The following RBFOX1 variants were observed in gnomAD, a reference collection of about 807,000 sequenced individuals.
RBFOX1 encodes the protein RNA binding fox-1 homolog 1.
Under a neutral mutation model 57.7 loss-of-function variants are expected in RBFOX1, and 8 were observed. The ratio of observed to expected loss-of-function variants is 0.14; its 90% CI spans 0.08 to 0.25. The LOEUF is 0.25. RBFOX1 is among the 10% of genes least tolerant of loss of function. The pLI is 1.00. For missense variants in RBFOX1, 611 were observed against 548.5 expected (o/e 1.11, Z -1.14); for synonymous variants, 326 against 222.4 (o/e 1.47, Z -4.15).
intron 4 of RBFOX1, among the ~76,000 whole-genome samples, chr16:7,163,822 A>G (rs1160378102): frequency 6.6e-6 from 1 of 151,866 alleles, no homozygotes; most frequent in Non-Finnish European, 1.5e-5. Flanking sequence ...ACACCCAGCT[A>G]ATTTTTGTAT....
At chr16:5,796,046 C>G (rs1229111988) in intron 3 of RBFOX1, among the ~76,000 whole-genome samples, 3 of 152,184 alleles carry the variant, frequency 2.0e-5, no homozygotes, top group African/African-American at 7.2e-5. Flanking sequence ...GCAGTTGAAT[C>G]TAGTGCATTT....
At chr16:5,480,252 C>T (rs1258314720) in intron 2 of RBFOX1, among the ~76,000 whole-genome samples, 2 of 152,132 alleles carry the variant, frequency 1.3e-5, no homozygotes, top group African/African-American at 4.8e-5. Context: ...GACCAGGGGT[C>T]AAAGCCATTG....
chr16:7,196,000 G>T (rs962787889), intron 4 of RBFOX1, among the ~76,000 whole-genome samples: 8 of 151,614 alleles, frequency 5.3e-5, no homozygotes, highest in Non-Finnish European at 1.0e-4. Context: ...TTTCTTCCAG[G>T]CTGTCACCGT....
rs62011897 is a variant in RBFOX1 at position 7,709,204 on chromosome 16, G to A, written c.1071+73G>A. On this transcript the variant is annotated intron_variant, in intron 15 of 15. Coordinates refer to ENST00000550418, the MANE Select transcript of RBFOX1 (RefSeq NM_018723.4). The stretch of plus-strand genomic sequence containing the variant: ...CTTTCCCCAGCTGGGACCTCAGTAC[G>A]GGTTGACGTCCTCTCACTTCCCGTT... The A allele has an allele frequency of 2.6e-5, 36 of 1,388,110 alleles. No homozygotes were observed. The South Asian group carries it at 2.6e-4, about 10-fold the overall frequency. The allele number at this position is 1,388,110 out of a possible 1,614,324, so 86.0% of individuals were successfully genotyped here. A position where few individuals can be genotyped will look rare whatever the true frequency, so the allele number is the denominator to read the frequency against.
At chr16:5,482,432 G>A (rs2069577992) in intron 2 of RBFOX1, among the ~76,000 whole-genome samples, 2 of 152,190 alleles carry the variant, frequency 1.3e-5, no homozygotes, top group Admixed American at 1.3e-4. Context: ...CAAATGGCGA[G>A]GTGCAAATTT....
Position 7,630,674 on chromosome 16 carries a change from A to G in RBFOX1, c.748A>G (p.Thr250Ala), listed in dbSNP as rs1232307246. 6.2e-7 allele frequency: 1 copy of G among 1,614,066 alleles called. No homozygotes were observed. ...MYSAPSSLVY[T>A]SAMPGFPYPA... Reference sequence around the variant, plus strand: ...CAGTGCCCCCAGTTCACTTGTATATACTTCTGCAAGTAAGCCCACTGTCGT... The same window carrying G: ...CAGTGCCCCCAGTTCACTTGTATATGCTTCTGCAAGTAAGCCCACTGTCGT... The change falls in exon 11 of 16, where the codon ACT (threonine) becomes GCT (alanine). Residue 250 changes from threonine to alanine, a missense_variant. Physicochemically the swap from Thr to Ala is moderately conservative, Grantham distance 58. Coordinates refer to ENST00000550418, the MANE Select transcript of RBFOX1 (RefSeq NM_018723.4).
chr16:6,487,508 T>G (rs1337733303), intron 2 of RBFOX1, among the ~76,000 whole-genome samples: 1 of 151,208 alleles, frequency 6.6e-6, no homozygotes, highest in African/African-American at 2.4e-5. Context: ...TTATTTTGGT[T>G]GGGTTTAAAA....
chr16:5,794,646 A>G (rs1010201002), intron 3 of RBFOX1, among the ~76,000 whole-genome samples: 1 of 152,184 alleles, frequency 6.6e-6, no homozygotes, highest in African/African-American at 2.4e-5. Context: ...TGGGGGATGC[A>G]GCTGGAGGAG....
intron 2 of RBFOX1, among the ~76,000 whole-genome samples, chr16:6,590,690 C>A (rs893436265): frequency 6.6e-6 from 1 of 152,172 alleles, no homozygotes; most frequent in African/African-American, 2.4e-5. Flanking sequence ...TACTACGAAT[C>A]TTTCTAGAAA....
chr16:7,144,546 G>A (rs76184707), intron 4 of RBFOX1, among the ~76,000 whole-genome samples: 4,584 of 148,702 alleles, frequency 0.031, 232 homozygotes, highest in African/African-American at 0.1. Context: ...TGCCTCAGCC[G>A]CAAAAAGAGC....
chr16:6,711,893 T>C (rs2063778182), intron 3 of RBFOX1, among the ~76,000 whole-genome samples: 1 of 152,208 alleles, frequency 6.6e-6, no homozygotes, highest in South Asian at 2.1e-4. Flanking sequence ...AAAACCACTG[T>C]TTCAGTGAGG....
At chr16:5,405,797 G>A (rs768644576) in intron 1 of RBFOX1, among the ~76,000 whole-genome samples, 4 of 152,128 alleles carry the variant, frequency 2.6e-5, no homozygotes, top group Admixed American at 2.0e-4. Flanking sequence ...GAGTGTGACT[G>A]GGGGGCATCT....
At chr16:7,325,059 C>G (rs974255431) in intron 4 of RBFOX1, among the ~76,000 whole-genome samples, 8 of 152,174 alleles carry the variant, frequency 5.3e-5, no homozygotes, top group Non-Finnish European at 1.2e-4. Context: ...TTTGTTAGCA[C>G]GCTTTCATTT....
intron 4 of RBFOX1, among the ~76,000 whole-genome samples, chr16:7,432,111 C>G (rs958303361): frequency 6.6e-6 from 1 of 152,182 alleles, no homozygotes; most frequent in Non-Finnish European, 1.5e-5. Context: ...CAGGATGCCC[C>G]CACACTGTGC....
intron 3 of RBFOX1, among the ~76,000 whole-genome samples, chr16:6,711,559 C>G (rs1269691513): frequency 6.6e-6 from 1 of 152,144 alleles, no homozygotes; most frequent in Non-Finnish European, 1.5e-5. Context: ...GCAGTTCTGC[C>G]CTCACTCTCT....
intron 1 of RBFOX1, among the ~76,000 whole-genome samples, chr16:5,347,985 A>C (rs570418823): frequency 8.5e-6 from 1 of 117,566 alleles, no homozygotes; most frequent in Non-Finnish European, 1.7e-5. Context: ...CCATCGATCC[A>C]TCTACCTGCC....
intron 3 of RBFOX1, among the ~76,000 whole-genome samples, chr16:5,645,912 T>A (rs1231190803): frequency 6.6e-6 from 1 of 152,264 alleles, no homozygotes; most frequent in Non-Finnish European, 1.5e-5. Context: ...CATAGCTCAC[T>A]GCAGCCTCAA....
chr16:5,558,692 G>T (rs776892438), intron 2 of RBFOX1, among the ~76,000 whole-genome samples: 1 of 152,128 alleles, frequency 6.6e-6, no homozygotes. Flanking sequence ...GTCTTGTGTG[G>T]GGTGGGACCC....
At chr16:6,733,109 A>C (rs1255376290) in intron 3 of RBFOX1, among the ~76,000 whole-genome samples, 1 of 152,192 alleles carries the variant, frequency 6.6e-6, no homozygotes, top group East Asian at 1.9e-4. Context: ...GAAATATATG[A>C]ATATAAGCAC....
Sources: allele counts gnomAD v4.1 joint callset (sites outside exome capture counted in the v4.1 genomes callset), GRCh38; gene constraint gnomAD v4.1.1; transcripts MANE v1.5; gene names NCBI Gene and HGNC (gene_info 2026-07-23, HGNC 2026-07-21).